The following ANKRD6 variants were observed in gnomAD, a reference collection of about 807,000 sequenced individuals.
ANKRD6 encodes ankyrin repeat domain 6, also known as ankyrin repeat domain-containing protein 6.
In ANKRD6, 56 loss-of-function variants were observed where a neutral mutation model predicts 82.3. The observed-to-expected ratio is 0.68, with a 90% confidence interval of 0.55 to 0.85. The LOEUF is 0.85. Ranked by LOEUF, ANKRD6 falls within the 40% of genes least tolerant of loss-of-function variation. The pLI, the probability that ANKRD6 is intolerant of heterozygous loss-of-function variation, is 0.00. For missense variants in ANKRD6, 852 were observed against 907.6 expected, an observed-to-expected ratio of 0.94 and a Z score of 0.79; for synonymous variants, 347 against 352.1, an observed-to-expected ratio of 0.99 and a Z score of 0.16.
rs912337372 is a variant in ANKRD6 at position 89,498,471 on chromosome 6, T to C, written c.-144+65096T>C. Among the ~76,000 whole-genome samples the C allele has an allele frequency of 5.3e-5, 8 of 152,150 alleles. No homozygotes were observed. In the South Asian group the frequency reaches 1.7e-3, roughly 32 times the overall value. ...CTAGGTCTGTAATATATAATTATAGTACTTAATTCAAACATCAGTCTGTGC... is the reference window on the plus strand; with the variant it reads ...CTAGGTCTGTAATATATAATTATAGCACTTAATTCAAACATCAGTCTGTGC... On this transcript the variant is annotated intron_variant, in intron 1 of 15. Coordinates refer to ENST00000339746, the MANE Select transcript of ANKRD6 (RefSeq NM_001242809.2).
intron 1 of ANKRD6, among the ~76,000 whole-genome samples, chr6:89,527,020 A>T (rs946930596): frequency 6.6e-6 from 1 of 152,216 alleles, no homozygotes; most frequent in Non-Finnish European, 1.5e-5. Context: ...TTCCAGAAAC[A>T]TCCTTGCACA....
intron 1 of ANKRD6, among the ~76,000 whole-genome samples, chr6:89,531,297 T>G (rs529872888): frequency 1.1e-4 from 17 of 152,372 alleles, no homozygotes; most frequent in African/African-American, 4.1e-4. Context: ...ATGGAAGATA[T>G]GGGCAAATAA....
At chr6:89,445,272 T>C (rs985822736) in intron 1 of ANKRD6, among the ~76,000 whole-genome samples, 3 of 139,094 alleles carry the variant, frequency 2.2e-5, no homozygotes, top group Admixed American at 7.2e-5. Context: ...TTCTTTTTTT[T>C]TTTTTTTTTT....
At chr6:89,481,699 GTAGTGGTAC>G (rs11277238) in intron 1 of ANKRD6, among the ~76,000 whole-genome samples, 46,457 of 151,826 alleles carry the variant, frequency 0.31, 7,294 homozygotes, top group African/African-American at 0.36. Context: ...GCTGCTTGCA[GTAGTGGTAC>G]TGGTGGTACG....
Position 89,433,173 on chromosome 6 carries a change from C to T in ANKRD6, c.-346C>T, listed in dbSNP as rs1463583191. 3 of 151,302 alleles carry T rather than the reference C, an allele frequency of 2.0e-5. No individual in the cohort carries two copies. The highest frequency in any genetic ancestry group is 2.9e-5 in the Non-Finnish European group (2 of 67,832). The allele number at this position is 151,302 out of a possible 1,614,324, so 9.4% of individuals were successfully genotyped here. A position where few individuals can be genotyped will look rare whatever the true frequency, so the allele number is the denominator to read the frequency against. ...GGGCAGAGGGCCCTGCGGCGGCGGA[C>T]GCGGCGGGCTCGGCCACAGGTAACC... is the stretch of plus-strand genomic sequence containing the variant. On this transcript the variant is annotated 5_prime_UTR_variant, in exon 1 of 16. The change creates a new upstream start codon in the 5' untranslated region. Transcript: ENST00000339746. This position sits in a 1 kb window ranked among gnomAD's most constrained non-coding sequence, Gnocchi z 4.3.
chr6:89,445,264 CTTTTTT>C lies in ANKRD6; in HGVS notation c.-144+11908_-144+11913del, dbSNP rs1227274602. Among the ~76,000 whole-genome samples, 5 of 64,092 alleles carry C rather than the reference CTTTTTT, an allele frequency of 7.8e-5. No homozygotes were observed. In the Admixed American group the frequency reaches 9.4e-4, roughly 12 times the overall value. The allele number at this position is 64,092 out of a possible 152,430, so 42.0% of individuals were successfully genotyped here. A position where few individuals can be genotyped will look rare whatever the true frequency, so the allele number is the denominator to read the frequency against. Reference sequence around the variant, plus strand: ...CGGTGATCTGTGATCAGAGATCTTTCTTTTTTTTTTTTTTTTTTTTTTTTGAGATAG... The same window carrying C: ...CGGTGATCTGTGATCAGAGATCTTTCTTTTTTTTTTTTTTTTTTGAGATAG... On this transcript the variant is annotated intron_variant, in intron 1 of 15. Transcript: ENST00000339746.
chr6:89,456,573 C>A (rs1318606994), intron 1 of ANKRD6, among the ~76,000 whole-genome samples: 1 of 152,136 alleles, frequency 6.6e-6, no homozygotes, highest in Non-Finnish European at 1.5e-5. Flanking sequence ...AACTTAATTA[C>A]CTCTTTCAGG....
chr6:89,469,045 C>T (rs751529260), intron 1 of ANKRD6, among the ~76,000 whole-genome samples: 23 of 152,144 alleles, frequency 1.5e-4, no homozygotes, highest in South Asian at 8.3e-4. Flanking sequence ...ATTACCTTTG[C>T]ACTTTCCTAT....
chr6:89,539,856 T>G (rs1784267203), intron 1 of ANKRD6, among the ~76,000 whole-genome samples: 1 of 151,836 alleles, frequency 6.6e-6, no homozygotes, highest in South Asian at 2.1e-4. Flanking sequence ...TTCAATTGAT[T>G]TGATTTTTGG....
At chr6:89,567,993 G>A (rs181139648) in intron 2 of ANKRD6, among the ~76,000 whole-genome samples, 7 of 152,342 alleles carry the variant, frequency 4.6e-5, no homozygotes, top group African/African-American at 1.7e-4. Flanking sequence ...AGATCGGTCA[G>A]CTCCTATTTT....
intron 8 of ANKRD6, 110 bp from the exon 9 acceptor site, chr6:89,617,844 G>A (rs1456035140): frequency 3.0e-6 from 3 of 1,000,268 alleles, no homozygotes; most frequent in African/African-American, 3.2e-5. Flanking sequence ...TAGGTGCTGG[G>A]TGTGACTGGG....
At chr6:89,504,590 C>T (rs914259711) in intron 1 of ANKRD6, among the ~76,000 whole-genome samples, 1 of 151,870 alleles carries the variant, frequency 6.6e-6, no homozygotes, top group Non-Finnish European at 1.5e-5. Context: ...AAAATTATAG[C>T]GATGTGGCCT....
At chr6:89,437,960 A>G (rs1314979630) in intron 1 of ANKRD6, among the ~76,000 whole-genome samples, 2 of 151,994 alleles carry the variant, frequency 1.3e-5, no homozygotes, top group African/African-American at 4.8e-5. Flanking sequence ...ACGCCCTACT[A>G]TTTTTGTATT....
rs1346262957 is a variant in ANKRD6, at chr6:89,567,184, C to T, written c.120+88C>T. The stretch of plus-strand genomic sequence containing the variant: ...CTGAAAAACTGCTGTGTTTGGTTCA[C>T]AGCTTTCAAAGAACTGGCTTTTCTT... On this transcript the variant is annotated intron_variant, in intron 2 of 15. Coordinates refer to ENST00000339746, the MANE Select transcript of ANKRD6 (RefSeq NM_001242809.2). The T allele has an allele frequency of 2.7e-6, 4 of 1,488,260 alleles. No homozygotes were observed. The South Asian group carries it at 3.9e-5, about 15-fold the overall frequency. 92.2% of individuals were successfully genotyped at this position (1,488,260 alleles called of 1,614,324 possible).
intron 1 of ANKRD6, among the ~76,000 whole-genome samples, chr6:89,538,689 C>T (rs1342369474): frequency 6.6e-6 from 1 of 152,024 alleles, no homozygotes; most frequent in African/African-American, 2.4e-5. Flanking sequence ...ATAGTTACTA[C>T]ATGTTGAAGT....
intron 3 of ANKRD6, among the ~76,000 whole-genome samples, chr6:89,597,740 GT>G (rs1796220591): frequency 6.6e-6 from 1 of 152,134 alleles, no homozygotes; most frequent in African/African-American, 2.4e-5. Context: ...TCTTTTCCTT[GT>G]CCTAGAGAGA....
chr6:89,437,216 G>T (rs898033871), intron 1 of ANKRD6, among the ~76,000 whole-genome samples: 6 of 152,036 alleles, frequency 3.9e-5, no homozygotes, highest in South Asian at 2.1e-4. Context: ...CCCATAAAAG[G>T]CCCCTTTATT....
intron 2 of ANKRD6, among the ~76,000 whole-genome samples, chr6:89,583,194 A>G (rs1271150118): frequency 6.6e-6 from 1 of 152,196 alleles, no homozygotes; most frequent in Non-Finnish European, 1.5e-5. Flanking sequence ...AGGGCAGGAC[A>G]ACACTGTCCA....
At chr6:89,495,442 G>C (rs1259899951) in intron 1 of ANKRD6, among the ~76,000 whole-genome samples, 1 of 152,168 alleles carries the variant, frequency 6.6e-6, no homozygotes, top group Admixed American at 6.5e-5. Flanking sequence ...GATAGGACCA[G>C]GGCTGAGCCC....
Sources: allele counts gnomAD v4.1 joint callset (sites outside exome capture counted in the v4.1 genomes callset), GRCh38; gene constraint gnomAD v4.1.1; non-coding constraint Gnocchi (gnomAD v3.1); transcripts MANE v1.5; gene names NCBI Gene and HGNC (gene_info 2026-07-23, HGNC 2026-07-21).